Variants in STRN3 observed in about 807,000 individuals in gnomAD.
STRN3 encodes striatin-3.
A neutral mutation model predicts 95.6 loss-of-function variants in STRN3; 29 were observed. The observed-to-expected ratio is 0.30, with a 90% CI of 0.23 to 0.41. The LOEUF is 0.41. Among genes scored for constraint, STRN3 ranks in the 10% least tolerant of loss-of-function variants. The pLI is 1.00. For missense variants in STRN3, 890 were observed against 972.1 expected, an observed-to-expected ratio of 0.92 and a Z score of 1.12; for synonymous variants, 331 against 357.6, an observed-to-expected ratio of 0.93 and a Z score of 0.84.
intron 8 of STRN3, among the ~76,000 whole-genome samples, chr14:30,923,756 C>CA (rs1296106967): frequency 6.6e-6 from 1 of 152,112 alleles, no homozygotes; most frequent in Non-Finnish European, 1.5e-5. Context: ...AAGGAAAATA[C>CA]ATTATTATAA....
intron 1 of STRN3, among the ~76,000 whole-genome samples, chr14:30,961,423 G>A: frequency 6.6e-6 from 1 of 152,196 alleles, no homozygotes; most frequent in East Asian, 1.9e-4. Context: ...TTATAATGGA[G>A]CTGAAAAATT....
chr14:30,923,132 CAG>C (rs939916816), intron 8 of STRN3, among the ~76,000 whole-genome samples: 5 of 152,150 alleles, frequency 3.3e-5, no homozygotes, highest in Non-Finnish European at 7.4e-5. Context: ...TTAATCATAA[CAG>C]ATAATTTGTA....
intron 6 of STRN3, among the ~76,000 whole-genome samples, 160 bp downstream of exon 6, chr14:30,936,335 C>G (rs1230741338): frequency 6.6e-6 from 1 of 152,190 alleles, no homozygotes; most frequent in Non-Finnish European, 1.5e-5. Flanking sequence ...AATTCCTACT[C>G]TATGTGTGTA....
Position 30,947,168 on chromosome 14 carries a change from C to T in STRN3, c.638G>A (p.Gly213Glu). The T allele has an allele frequency of 6.2e-7, 1 of 1,613,156 alleles. No homozygotes were observed. The highest frequency in any genetic ancestry group is 1.1e-5 in the South Asian group (1 of 90,924). The change falls in exon 5 of 18, where the codon GGA (glycine) becomes GAA (glutamate). Residue 213 changes from glycine to glutamate, a missense_variant. Gly to Glu is a moderately conservative substitution (Grantham distance 98). Transcript: ENST00000357479. Reference protein sequence around the residue: ...LLGLSNSEPNGSVETKNLEQI... With the variant: ...LLGLSNSEPNESVETKNLEQI... ...TTCTAAATTCTTTGTTTCTACTGAT[C>T]CATTTGGTTCTGAATTAGATAGTCC...
At chr14:30,970,888 T>C (rs1296217073) in intron 1 of STRN3, among the ~76,000 whole-genome samples, 1 of 152,216 alleles carries the variant, frequency 6.6e-6, no homozygotes, top group East Asian at 1.9e-4. Flanking sequence ...CCCTTTCCAC[T>C]AAGGTGGTCC....
intron 1 of STRN3, among the ~76,000 whole-genome samples, chr14:31,014,960 T>C (rs1311186002): frequency 6.6e-6 from 1 of 152,072 alleles, no homozygotes; most frequent in Non-Finnish European, 1.5e-5. Flanking sequence ...CCCAAGTAGG[T>C]GGGATTACAG....
chr14:30,897,371 G>A (rs1332403495), intron 16 of STRN3, among the ~76,000 whole-genome samples: 3 of 152,126 alleles, frequency 2.0e-5, no homozygotes, highest in African/African-American at 7.2e-5. Flanking sequence ...GATCACCTGA[G>A]GGCAGGAGTT....
intron 1 of STRN3, among the ~76,000 whole-genome samples, chr14:30,984,559 C>G (rs1328537349): frequency 6.6e-6 from 1 of 152,136 alleles, no homozygotes; most frequent in Non-Finnish European, 1.5e-5. Flanking sequence ...GTGCGCAGAT[C>G]ACGAGGTCAA....
intron 1 of STRN3, among the ~76,000 whole-genome samples, chr14:31,017,296 G>A (rs750458263): frequency 3.3e-5 from 5 of 151,056 alleles, no homozygotes; most frequent in East Asian, 2.0e-4. Flanking sequence ...TCAGGAGATC[G>A]AGACCATCCT....
intron 5 of STRN3, among the ~76,000 whole-genome samples, chr14:30,939,565 T>TTGCTGTTGC (rs1265413082): frequency 1.3e-5 from 2 of 152,152 alleles, no homozygotes; most frequent in African/African-American, 2.4e-5. Flanking sequence ...CGTCAATCTT[T>TTGCTGTTGC]TGCTGTTGCT....
At chr14:30,902,328 C>T (rs181741519) in intron 16 of STRN3, among the ~76,000 whole-genome samples, 2 of 151,540 alleles carry the variant, frequency 1.3e-5, no homozygotes, top group East Asian at 1.9e-4. Flanking sequence ...TTGAAGAAAT[C>T]GTAATAGCTA....
intron 1 of STRN3, among the ~76,000 whole-genome samples, chr14:31,024,392 A>G (rs574946928): frequency 6.6e-6 from 1 of 152,228 alleles, no homozygotes; most frequent in Non-Finnish European, 1.5e-5. Flanking sequence ...TACCAACAGA[A>G]TTCTATAAAT....
chr14:30,981,575 T>TTCAC (rs1255029850), intron 1 of STRN3, among the ~76,000 whole-genome samples: 1 of 69,284 alleles, frequency 1.4e-5, no homozygotes, highest in Non-Finnish European at 3.1e-5. Flanking sequence ...TAGCTTAGAA[T>TTCAC]TCACACACAC....
In STRN3 at chr14:30,969,297, C is replaced by T. The variant is rs1880705787; in HGVS notation, c.283-13055G>A. ...AAAAATATAAACAAAATTAGCCGGG[C>T]ATGGTGGCAGGTGCCTTTAGTGCCA... On this transcript the variant is annotated intron_variant, in intron 1 of 17. Transcript: ENST00000357479. Among the ~76,000 whole-genome samples, 7 of 152,178 alleles carry T rather than the reference C, an allele frequency of 4.6e-5. 1 individual carries two copies. In the South Asian group the frequency reaches 1.5e-3, roughly 32 times the overall value.
intron 15 of STRN3, among the ~76,000 whole-genome samples, chr14:30,903,598 C>A (rs572476988): frequency 1.6e-4 from 25 of 152,294 alleles, no homozygotes; most frequent in Admixed American, 6.5e-4. Context: ...TGGGGTCTCA[C>A]TATGTTGCCC....
At chr14:30,972,480 C>T (rs888651870) in intron 1 of STRN3, among the ~76,000 whole-genome samples, 1 of 152,150 alleles carries the variant, frequency 6.6e-6, no homozygotes, top group Non-Finnish European at 1.5e-5. Flanking sequence ...CCCTTCTATA[C>T]AGAAGTAACT....
At chr14:30,992,565 TAAAAAAAAAA>T (rs58987293) in intron 1 of STRN3, among the ~76,000 whole-genome samples, 1 of 94,072 alleles carries the variant, frequency 1.1e-5, no homozygotes, top group Admixed American at 1.3e-4. Context: ...CCTGTCTCTT[TAAAAAAAAAA>T]AAAAAAAAAA....
intron 1 of STRN3, among the ~76,000 whole-genome samples, chr14:31,005,566 G>A (rs1369545768): frequency 6.6e-6 from 1 of 152,156 alleles, no homozygotes; most frequent in African/African-American, 2.4e-5. Flanking sequence ...ATAGTGAATT[G>A]GGGTCTCGAG....
chr14:31,014,168 G>A (rs886347776), intron 1 of STRN3, among the ~76,000 whole-genome samples: 1 of 152,020 alleles, frequency 6.6e-6, no homozygotes, highest in Admixed American at 6.6e-5. Flanking sequence ...GTCTCCCAAA[G>A]TGCTGGGATT....
Sources: allele counts gnomAD v4.1 joint callset (sites outside exome capture counted in the v4.1 genomes callset), GRCh38; gene constraint gnomAD v4.1.1; transcripts MANE v1.5; gene names NCBI Gene and HGNC (gene_info 2026-07-23, HGNC 2026-07-21).